DYNC1H1: variants seen among roughly 807,000 people sequenced by gnomAD.
DYNC1H1 encodes the protein cytoplasmic dynein 1 heavy chain 1.
DYNC1H1 carries 51 observed loss-of-function variants against 527.1 expected under a neutral mutation model. The observed-to-expected ratio is 0.10, with a 90% confidence interval of 0.08 to 0.12. The LOEUF (loss-of-function observed/expected upper bound fraction) is 0.12, where lower values mean the gene tolerates loss of function less well. DYNC1H1 is among the 10% of genes least tolerant of loss of function. DYNC1H1 has a pLI of 1.00. For synonymous variants in DYNC1H1, 2,189 were observed against 2,278.8 expected (o/e 0.96, Z 1.12); for missense variants, 2,771 against 5,971.8 (o/e 0.46, Z 17.66).
chr14:102,034,228 T>G, intron 55 of DYNC1H1, 40 bp downstream of exon 55: 1 of 1,614,148 alleles, frequency 6.2e-7, no homozygotes, highest in Non-Finnish European at 8.5e-7. Flanking sequence ...GTGCGAGCAG[T>G]GTGAGGCAAG....
chr14:101,981,304 G>A (rs2047861089), intron 5 of DYNC1H1, among the ~76,000 whole-genome samples: 1 of 152,100 alleles, frequency 6.6e-6, no homozygotes, highest in African/African-American at 2.4e-5. Context: ...TTGAATTTTT[G>A]TAGAAATGGG....
rs17541311 is a variant in DYNC1H1, at chr14:102,026,454, T to C, written c.8638-120T>C. On this transcript the variant is annotated intron_variant, in intron 43 of 77. Transcript: ENST00000360184. ...TTATATTTTTTTGCTATGTTATAAA[T>C]GATACCTTTTTTGTTGCATTTTTAA... The C allele has an allele frequency of 4.4e-3, 4,937 of 1,124,294 alleles. 100 individuals carry two copies. Among genetic ancestry groups the C allele is most frequent in the Admixed American group, 0.039 (1,783 of 45,410 alleles). The allele number at this position is 1,124,294 out of a possible 1,614,324, so 69.6% of individuals were successfully genotyped here. A position where few individuals can be genotyped will look rare whatever the true frequency, so the allele number is the denominator to read the frequency against.
In DYNC1H1 at chr14:102,016,774, C is replaced by A; in HGVS notation, c.7623C>A (p.Ile2541=). ...NIPIIDYEVS[I]SGEWSPWQAK... Reference sequence around the variant, plus strand: ...TCCATCTCCGTGTGTAGGTGTCCATCAGCGGAGAATGGTCTCCGTGGCAGG... The same window carrying A: ...TCCATCTCCGTGTGTAGGTGTCCATAAGCGGAGAATGGTCTCCGTGGCAGG... Residue 2541 remains isoleucine, a synonymous_variant, in exon 38 of 78, where the codon ATC becomes ATA. Coordinates refer to ENST00000360184, the MANE Select transcript of DYNC1H1 (RefSeq NM_001376.5). This position sits in a 1 kb window ranked among gnomAD's most constrained non-coding sequence, Gnocchi z 7.3. 1 of 1,613,708 alleles carries A rather than the reference C, an allele frequency of 6.2e-7. No homozygotes were observed. The highest frequency in any genetic ancestry group is 8.5e-7 in the Non-Finnish European group (1 of 1,179,942).
rs538791873 is a variant in DYNC1H1, at chr14:102,006,109, T to A, written c.5655T>A (p.Thr1885=). The part of the protein sequence containing the change: ...VQDKLVQTPL[T]DRCYLTMTQA... ...ACAAACTGGTCCAGACCCCCCTCAC[T>A]GACCGCTGCTATTTGACAATGACAC... is the stretch of plus-strand genomic sequence containing the variant. The change falls in exon 27 of 78, where the codon ACT becomes ACA. Residue 1885 remains threonine, a synonymous_variant. Coordinates refer to ENST00000360184, the MANE Select transcript of DYNC1H1 (RefSeq NM_001376.5). 27 of 1,614,210 alleles carry A rather than the reference T, an allele frequency of 1.7e-5. No individual in the cohort carries two copies. In the African/African-American group the frequency reaches 3.3e-4, roughly 20 times the overall value.
chr14:102,040,420 C>G lies in DYNC1H1; in HGVS notation c.11865+10C>G. The G allele has an allele frequency of 6.2e-7, 1 of 1,614,142 alleles. No homozygotes were observed. Among genetic ancestry groups the G allele is most frequent in the Non-Finnish European group, 8.5e-7 (1 of 1,180,026 alleles). On this transcript the variant is annotated intron_variant, in intron 63 of 77. Coordinates refer to ENST00000360184, the MANE Select transcript of DYNC1H1 (RefSeq NM_001376.5). ...GGTTCAGGCAGACGAGGTGATTGTT[C>G]TCTTGAATGTTCCCAGTAGGTAAAT...
rs767434648 is a variant in DYNC1H1 at position 102,016,864 on chromosome 14, G to A, written c.7713G>A (p.Thr2571=). 8 of 1,614,056 alleles carry A rather than the reference G, an allele frequency of 5.0e-6. No individual in the cohort carries two copies. Among genetic ancestry groups the A allele is most frequent in the Admixed American group, 1.7e-5 (1 of 60,002 alleles). Residue 2571 remains threonine, a synonymous_variant, in exon 38 of 78, where the codon ACG becomes ACA. Transcript: ENST00000360184. The surrounding 1 kb of genome is among the most constrained non-coding windows in gnomAD (Gnocchi z 7.3). ...KVAAPDVVVP[T]LDTVRHEALL... is the part of the protein sequence containing the mutation. ...CAGCCCCTGATGTCGTCGTGCCAAC[G>A]CTGGACACAGTCCGCCACGAAGCCC...
Position 101,983,436 on chromosome 14 carries a change from C to T in DYNC1H1, c.1288C>T (p.Leu430Phe). The change falls in exon 7 of 78, where the codon CTT becomes TTT. Residue 430 changes from leucine to phenylalanine, a missense_variant. Coordinates refer to ENST00000360184, the MANE Select transcript of DYNC1H1 (RefSeq NM_001376.5). The surrounding 1 kb of genome is among the most constrained non-coding windows in gnomAD (Gnocchi z 5.3). ...FQTWDDEYEK[L>F]QVLLRDIVKR... ...GACTTGGGATGATGAGTATGAGAAA[C>T]TTCAGGTATTGTTGAGAGACATCGT... The T allele has an allele frequency of 6.2e-7, 1 of 1,613,958 alleles. No individual in the cohort carries two copies. The highest frequency in any genetic ancestry group is 8.5e-7 in the Non-Finnish European group (1 of 1,180,002).
Position 102,038,256 on chromosome 14 carries a change from G to A in DYNC1H1, c.10909-204G>A, listed in dbSNP as rs2048600683. 5.0e-6 allele frequency: 4 copies of A among 804,108 alleles called. No individual in the cohort carries two copies. The East Asian group carries it at 1.2e-4, about 23-fold the overall frequency. 49.8% of individuals were successfully genotyped at this position (804,108 alleles called of 1,614,324 possible). On this transcript the variant is annotated intron_variant, in intron 57 of 77. Coordinates refer to ENST00000360184, the MANE Select transcript of DYNC1H1 (RefSeq NM_001376.5). This position sits in a 1 kb window ranked among gnomAD's most constrained non-coding sequence, Gnocchi z 7.2. ...AGCCTCCCAAAGTGCTGGAATTACA[G>A]GCGTGAGCCACCGCATCTGGCTGAG... is the stretch of plus-strand genomic sequence containing the variant.
chr14:102,050,049 G>T, intron 76 of DYNC1H1, 22 bp from the exon 77 acceptor site: 1 of 1,614,162 alleles, frequency 6.2e-7, no homozygotes, highest in Non-Finnish European at 8.5e-7. Context: ...CCTCAGCCTG[G>T]GTTTTGGCTT....
chr14:102,048,406 A>G (rs1207582768), intron 73 of DYNC1H1, 110 bp from the exon 74 acceptor site: 13 of 1,431,808 alleles, frequency 9.1e-6, no homozygotes, highest in Admixed American at 3.7e-5. Context: ...GACCCTGGAC[A>G]GTTCGGAAGC....
In DYNC1H1 at chr14:102,038,150, C is replaced by T. The variant is rs1567020847; in HGVS notation, c.10909-310C>T. 8 of 396,272 alleles carry T rather than the reference C, an allele frequency of 2.0e-5. No homozygotes were observed. The highest frequency in any genetic ancestry group is 4.2e-5 in the South Asian group (2 of 47,972). The allele number at this position is 396,272 out of a possible 1,614,324, so 24.5% of individuals were successfully genotyped here. A position where few individuals can be genotyped will look rare whatever the true frequency, so the allele number is the denominator to read the frequency against. The stretch of plus-strand genomic sequence containing the variant: ...GTGCCATACACCCCCAGCTAACTTT[C>T]GTATTTTTAGTAGAGATGGAGTTTC... On this transcript the variant is annotated intron_variant, in intron 57 of 77. Coordinates refer to ENST00000360184, the MANE Select transcript of DYNC1H1 (RefSeq NM_001376.5). This position sits in a 1 kb window ranked among gnomAD's most constrained non-coding sequence, Gnocchi z 7.2.
chr14:102,033,879 A>G lies in DYNC1H1; in HGVS notation c.10414-97A>G. On this transcript the variant is annotated intron_variant, in intron 54 of 77. Transcript: ENST00000360184. This position sits in a 1 kb window ranked among gnomAD's most constrained non-coding sequence, Gnocchi z 5.6. ...ACTTGGGCACGTTTCTAACCCACCC[A>G]AAACCCTGCACATAATGTGGATGAA... 1 of 1,412,644 alleles carries G rather than the reference A, an allele frequency of 7.1e-7. No homozygotes were observed. The allele number at this position is 1,412,644 out of a possible 1,614,324, so 87.5% of individuals were successfully genotyped here. A position where few individuals can be genotyped will look rare whatever the true frequency, so the allele number is the denominator to read the frequency against.
In DYNC1H1 at chr14:101,985,613, T is replaced by G; in HGVS notation, c.1462-74T>G. ...TGCTGGGATTACAGGTGTGAGCCACTGCACCCGGCTTAAAATAAATTTTAA... is the reference window on the plus strand; with the variant it reads ...TGCTGGGATTACAGGTGTGAGCCACGGCACCCGGCTTAAAATAAATTTTAA... On this transcript the variant is annotated intron_variant, in intron 7 of 77. Transcript: ENST00000360184. The surrounding 1 kb of genome is among the most constrained non-coding windows in gnomAD (Gnocchi z 5.9). 6.4e-7 allele frequency: 1 copy of G among 1,559,090 alleles called. No individual in the cohort carries two copies. Among genetic ancestry groups the G allele is most frequent in the Non-Finnish European group, 8.8e-7 (1 of 1,132,670 alleles).
intron 1 of DYNC1H1, among the ~76,000 whole-genome samples, chr14:101,973,303 TGCCA>T (rs372316664): frequency 1.6e-4 from 24 of 151,656 alleles, no homozygotes; most frequent in African/African-American, 5.3e-4. Flanking sequence ...AAATTACAGG[TGCCA>T]ACCACCACAC....
intron 43 of DYNC1H1, chr14:102,023,416 A>G: frequency 8.9e-6 from 2 of 224,196 alleles, no homozygotes; most frequent in South Asian, 6.4e-5. Flanking sequence ...GGGCGTGGTG[A>G]CGCATGTCTG....
Position 101,982,991 on chromosome 14 carries a change from A to T in DYNC1H1, c.962-28A>T, listed in dbSNP as rs927571336. 23 of 1,604,842 alleles carry T rather than the reference A, an allele frequency of 1.4e-5. No individual in the cohort carries two copies. The African/African-American group carries it at 3.0e-4, about 21-fold the overall frequency. On this transcript the variant is annotated intron_variant, in intron 5 of 77. Transcript: ENST00000360184. ...CTTAGTTTTGTTACTTTATGTGAAA[A>T]CCATTAACTCTTTCTCTGTTAATAT...
Position 102,001,567 on chromosome 14 carries a change from C to T in DYNC1H1, c.4428C>T (p.Asp1476=), listed in dbSNP as rs756763142. The T allele has an allele frequency of 9.3e-6, 15 of 1,613,972 alleles. No individual in the cohort carries two copies. Among genetic ancestry groups the T allele is most frequent in the Non-Finnish European group, 1.1e-5 (13 of 1,180,018 alleles). Residue 1476 remains aspartate, a synonymous_variant, in exon 21 of 78, where the codon GAC becomes GAT. Transcript: ENST00000360184. The surrounding 1 kb of genome is among the most constrained non-coding windows in gnomAD (Gnocchi z 5.0). ...AAGTGTGGAATACTTATGAACTAGACTTGGTTAATTATCAGAACAAGTGCC... is the reference window on the plus strand; with the variant it reads ...AAGTGTGGAATACTTATGAACTAGATTTGGTTAATTATCAGAACAAGTGCC... ...IREVWNTYEL[D]LVNYQNKCRL...
At chr14:101,991,822 G>T (rs1015000012) in intron 11 of DYNC1H1, 149 bp downstream of exon 11, 2 of 1,175,900 alleles carry the variant, frequency 1.7e-6, no homozygotes, top group Non-Finnish European at 2.4e-6. Flanking sequence ...GAGGCTTTTT[G>T]TGCCCTGACC....
chr14:102,043,423 G>T (rs769310178), intron 69 of DYNC1H1: 16 of 304,304 alleles, frequency 5.3e-5, no homozygotes, highest in African/African-American at 3.5e-4. Context: ...GAGCAGAGAT[G>T]CCCACGGAGA....
Sources: allele counts gnomAD v4.1 joint callset (sites outside exome capture counted in the v4.1 genomes callset), GRCh38; gene constraint gnomAD v4.1.1; non-coding constraint Gnocchi (gnomAD v3.1); transcripts MANE v1.5; gene names NCBI Gene and HGNC (gene_info 2026-07-23, HGNC 2026-07-21).